The following CEP63 variants were observed in gnomAD, a reference collection of about 807,000 sequenced individuals.
The protein encoded by CEP63 is centrosomal protein of 63 kDa.
Under a neutral mutation model 89.1 loss-of-function variants are expected in CEP63, and 84 were observed. The ratio of observed to expected loss-of-function variants is 0.94; its 90% CI spans 0.79 to 1.13. The LOEUF (loss-of-function observed/expected upper bound fraction) is 1.13. Ranked by LOEUF, CEP63 falls within the 50% of genes most tolerant of loss-of-function variation. CEP63 has a pLI of 0.00. For synonymous variants in CEP63, 267 were observed against 272.5 expected (o/e 0.98, Z 0.20); for missense variants, 838 against 813.3 (o/e 1.03, Z -0.37).
chr3:134,684,612 G>A, the CEP63 span, among the ~76,000 whole-genome samples: 1 of 152,370 alleles, frequency 6.6e-6, no homozygotes, highest in East Asian at 1.9e-4. Flanking sequence ...AGGTAGGGCC[G>A]ACTGGGCCGG....
the CEP63 span, chr3:134,651,466 G>C: frequency 2.0e-6 from 2 of 1,012,538 alleles, no homozygotes; most frequent in East Asian, 1.0e-4. Context: ...TCAGGAAAAG[G>C]AAAGACAGCA....
At position 134,561,637 on chromosome 3, in the gene CEP63, A is replaced by T; in HGVS notation, c.*102A>T. 6.6e-7 allele frequency: 1 copy of T among 1,526,436 alleles called. No homozygotes were observed. Among genetic ancestry groups the T allele is most frequent in the Non-Finnish European group, 8.8e-7 (1 of 1,139,030 alleles). 94.6% of individuals were successfully genotyped at this position (1,526,436 alleles called of 1,614,324 possible). On this transcript the variant is annotated 3_prime_UTR_variant, in exon 15 of 15. Transcript: ENST00000675561. Reference sequence around the variant, plus strand: ...AAAAACATGAAGAGATAAAATTATAAAAATGATACATCTAAAGCAGTGGTG... The same window carrying T: ...AAAAACATGAAGAGATAAAATTATATAAATGATACATCTAAAGCAGTGGTG...
the CEP63 span, among the ~76,000 whole-genome samples, chr3:134,642,707 C>CA: frequency 3.3e-5 from 5 of 152,132 alleles, no homozygotes; most frequent in Non-Finnish European, 7.4e-5. Flanking sequence ...TGCTATTGGT[C>CA]AGGACAAGGG....
chr3:134,551,724 C>CAT (rs71139540), intron 11 of CEP63, among the ~76,000 whole-genome samples: 89 of 81,532 alleles, frequency 1.1e-3, no homozygotes, highest in African/African-American at 3.2e-3. Context: ...TTAGAAAGTC[C>CAT]ATATATATAT....
rs180856785 is a variant in CEP63 at position 134,499,847 on chromosome 3, G to T, written c.44+4483G>T. On this transcript the variant is annotated intron_variant, in intron 2 of 14. Coordinates refer to ENST00000675561, the MANE Select transcript of CEP63 (RefSeq NM_001353108.3). ...TTTTTTTTTTTTTTTTTTTTGAGAT[G>T]GAGTCTCGCTCTGTTGCCCAGGCTG... is the stretch of plus-strand genomic sequence containing the variant. Among the ~76,000 whole-genome samples, 153 of 106,274 alleles carry T rather than the reference G, an allele frequency of 1.4e-3. 1 individual carries two copies. The highest frequency in any genetic ancestry group is 5.2e-3 in the African/African-American group (147 of 28,530). The allele number at this position is 106,274 out of a possible 152,430, so 69.7% of individuals were successfully genotyped here.
the CEP63 span, among the ~76,000 whole-genome samples, chr3:134,778,925 G>A: frequency 1.3e-5 from 2 of 152,124 alleles, no homozygotes; most frequent in Non-Finnish European, 2.9e-5. Flanking sequence ...TGGCTCCATG[G>A]TTGTTACTCT....
chr3:134,705,985 G>A, the CEP63 span, among the ~76,000 whole-genome samples: 51 of 152,138 alleles, frequency 3.4e-4, no homozygotes, highest in Non-Finnish European at 7.3e-5. Context: ...AAAACCAGAG[G>A]CCACCAGCAC....
the CEP63 span, among the ~76,000 whole-genome samples, chr3:134,696,674 A>G: frequency 6.6e-6 from 1 of 152,186 alleles, no homozygotes; most frequent in Non-Finnish European, 1.5e-5. Context: ...GGGTGTTTCC[A>G]TGCCCACGTG....
chr3:134,595,972 T>G, the CEP63 span, among the ~76,000 whole-genome samples: 3 of 151,882 alleles, frequency 2.0e-5, no homozygotes, highest in African/African-American at 7.3e-5. Flanking sequence ...TAAATAGCTA[T>G]ATTTGCCATT....
chr3:134,715,630 A>T, the CEP63 span, among the ~76,000 whole-genome samples: 1 of 150,934 alleles, frequency 6.6e-6, no homozygotes, highest in Non-Finnish European at 1.5e-5. Context: ...ATCTCCTAAG[A>T]TTCTCAGAGC....
the CEP63 span, among the ~76,000 whole-genome samples, chr3:134,671,095 T>C: frequency 6.6e-6 from 1 of 152,166 alleles, no homozygotes; most frequent in African/African-American, 2.4e-5. Flanking sequence ...GAGGGATTCA[T>C]AGAGATCATC....
chr3:134,524,890 A>G (rs989065349), intron 3 of CEP63, among the ~76,000 whole-genome samples: 17 of 151,846 alleles, frequency 1.1e-4, no homozygotes, highest in African/African-American at 7.3e-5. Context: ...TTGATGCACA[A>G]CCCATAGAAT....
chr3:134,559,694 AGTGAT>A (rs762749233), intron 14 of CEP63, among the ~76,000 whole-genome samples: 2 of 152,162 alleles, frequency 1.3e-5, no homozygotes, highest in Non-Finnish European at 2.9e-5. Context: ...TGCCCTTTTC[AGTGAT>A]GCTCAATTTT....
chr3:134,604,218 G>T, the CEP63 span: 1 of 1,613,124 alleles, frequency 6.2e-7, no homozygotes, highest in African/African-American at 1.3e-5. Context: ...CCACGGGCTG[G>T]TGAAGCTCAG....
chr3:134,489,158 C>CAAA (rs765548189), intron 1 of CEP63, among the ~76,000 whole-genome samples: 9 of 60,708 alleles, frequency 1.5e-4, no homozygotes, highest in African/African-American at 3.1e-4. Context: ...GAGACTGTCT[C>CAAA]AAAAAAAAAA....
chr3:134,631,380 A>G, the CEP63 span, among the ~76,000 whole-genome samples: 1 of 152,220 alleles, frequency 6.6e-6, no homozygotes, highest in Non-Finnish European at 1.5e-5. Context: ...TCCAAAAGAA[A>G]TGCTAACGGA....
At chr3:134,613,245 A>C in the CEP63 span, 1 of 154,380 alleles carries the variant, frequency 6.5e-6, no homozygotes, top group Non-Finnish European at 1.5e-5. Context: ...TGCAGCCTCC[A>C]GGCGGTGGGG....
At chr3:134,500,513 AATCTCCAAAC>A (rs1170074521) in intron 2 of CEP63, among the ~76,000 whole-genome samples, 3 of 152,210 alleles carry the variant, frequency 2.0e-5, no homozygotes, top group Non-Finnish European at 4.4e-5. Flanking sequence ...TTATTTGAGA[AATCTCCAAAC>A]TGCTTTCCAC....
At chr3:134,740,575 G>C in the CEP63 span, among the ~76,000 whole-genome samples, 11 of 152,124 alleles carry the variant, frequency 7.2e-5, no homozygotes, top group Non-Finnish European at 1.5e-4. Context: ...GGGATTACAG[G>C]CGTGAGCCAC....
Sources: allele counts gnomAD v4.1 joint callset (sites outside exome capture counted in the v4.1 genomes callset), GRCh38; gene constraint gnomAD v4.1.1; transcripts MANE v1.5; gene names NCBI Gene and HGNC (gene_info 2026-07-23, HGNC 2026-07-21).